The following ABHD10 variants were observed in gnomAD, a reference collection of about 807,000 sequenced individuals.
The protein encoded by ABHD10 is palmitoyl-protein thioesterase ABHD10, mitochondrial.
Under a neutral mutation model 33.1 loss-of-function variants are expected in ABHD10, and 22 were observed. That is an observed-to-expected ratio of 0.66 (90% CI 0.47 to 0.95). The LOEUF (loss-of-function observed/expected upper bound fraction) is 0.95, where lower values mean the gene tolerates loss of function less well. ABHD10 is among the 40% of genes least tolerant of loss of function. ABHD10 has a pLI of 0.00. For missense variants in ABHD10, 352 were observed against 379.9 expected, an observed-to-expected ratio of 0.93 and a Z score of 0.61; for synonymous variants, 146 against 133.9, an observed-to-expected ratio of 1.09 and a Z score of -0.62.
At chr3:111,985,550 T>C (rs774239966) in intron 2 of ABHD10, among the ~76,000 whole-genome samples, 5 of 152,150 alleles carry the variant, frequency 3.3e-5, no homozygotes, top group Non-Finnish European at 7.4e-5. Context: ...AGATGGACCA[T>C]AAATAATCAA....
intron 1 of ABHD10, among the ~76,000 whole-genome samples, chr3:111,979,626 G>A (rs2072554370): frequency 6.6e-6 from 1 of 152,224 alleles, no homozygotes; most frequent in Admixed American, 6.5e-5. Flanking sequence ...CATGTTCTTT[G>A]TAAAAGTGTA....
chr3:111,979,066 C>A lies in ABHD10; in HGVS notation c.5C>A (p.Ala2Glu), dbSNP rs573378359. Residue 2 changes from alanine (A) to glutamate (E), a missense_variant, in exon 1 of 5, where the codon GCG becomes GAG. By Grantham distance (107) the Ala-to-Glu change is moderately radical. Transcript: ENST00000273359. ...GGTGCGGGGACAACTACGAAGATGG[C>A]GGTTGCGCGCTTGGCAGCTGTGGCG... MAVARLAAVAAW... is the reference protein window; with the variant it reads MEVARLAAVAAW... 1.4e-5 allele frequency: 23 copies of A among 1,612,442 alleles called. No individual in the cohort carries two copies. The South Asian group carries it at 2.4e-4, about 17-fold the overall frequency.
chr3:111,980,726 G>T (rs1362857199), intron 1 of ABHD10, among the ~76,000 whole-genome samples: 1 of 152,168 alleles, frequency 6.6e-6, no homozygotes, highest in African/African-American at 2.4e-5. Context: ...ACCATTTACA[G>T]AAAGCCAAAC....
At chr3:111,984,801 T>G (rs1310273652) in intron 2 of ABHD10, among the ~76,000 whole-genome samples, 1 of 152,156 alleles carries the variant, frequency 6.6e-6, no homozygotes, top group Non-Finnish European at 1.5e-5. Flanking sequence ...ACTGTGATAG[T>G]CTAGGTCTAA....
At position 111,991,987 on chromosome 3, in the gene ABHD10, C is replaced by G. The variant is rs2072746075; in HGVS notation, c.*266C>G. ...TTTAATTCAAGAAAAGTTTACCTTT[C>G]TTATGCTTATGTTAGCTATGCCAGC... is the stretch of plus-strand genomic sequence containing the variant. On this transcript the variant is annotated 3_prime_UTR_variant, in exon 5 of 5. Coordinates refer to ENST00000273359, the MANE Select transcript of ABHD10 (RefSeq NM_018394.4). 3.3e-6 allele frequency: 1 copy of G among 303,930 alleles called. No homozygotes were observed. Among genetic ancestry groups the G allele is most frequent in the East Asian group, 7.4e-5 (1 of 13,468 alleles). The allele number at this position is 303,930 out of a possible 1,614,324, so 18.8% of individuals were successfully genotyped here.
In ABHD10 at chr3:111,981,794, A is replaced by G. The variant is rs1217998399; in HGVS notation, c.153A>G (p.Gln51=). The G allele has an allele frequency of 1.9e-6, 3 of 1,553,140 alleles. No homozygotes were observed. In the Admixed American group the frequency reaches 5.1e-5, roughly 27 times the overall value. The change falls in exon 2 of 5, where the codon CAA becomes CAG. Residue 51 remains glutamine, a synonymous_variant. Coordinates refer to ENST00000273359, the MANE Select transcript of ABHD10 (RefSeq NM_018394.4). The part of the protein sequence containing the change: ...RAPRWLPACR[Q]KTSLSFLNRP... ...GTGTACTTTGTTTAGCTTGTAGACA[A>G]AAGACGTCACTCTCATTCCTTAATC...
chr3:111,983,830 AT>A (rs540612153), intron 2 of ABHD10, among the ~76,000 whole-genome samples: 242 of 152,280 alleles, frequency 1.6e-3, no homozygotes, highest in African/African-American at 5.1e-3. Flanking sequence ...TTGTAATAGA[AT>A]TTTTATTTGG....
In ABHD10 at chr3:111,981,871, G is replaced by T; in HGVS notation, c.230G>T (p.Gly77Val). 1 of 1,607,936 alleles carries T rather than the reference G, an allele frequency of 6.2e-7. No homozygotes were observed. The highest frequency in any genetic ancestry group is 8.5e-7 in the Non-Finnish European group (1 of 1,175,626). ...AYKKLKGKSP[G>V]IIFIPGYLSY... Reference sequence around the variant, plus strand: ...AAGAAGCTAAAAGGCAAAAGTCCAGGAATTATCTTCATCCCTGGCTATCTT... The same window carrying T: ...AAGAAGCTAAAAGGCAAAAGTCCAGTAATTATCTTCATCCCTGGCTATCTT... The change falls in exon 2 of 5, where the codon GGA becomes GTA. Residue 77 changes from glycine (G) to valine (V), a missense_variant. Gly to Val is a moderately radical substitution (Grantham distance 109). Coordinates refer to ENST00000273359, the MANE Select transcript of ABHD10 (RefSeq NM_018394.4).
intron 4 of ABHD10, among the ~76,000 whole-genome samples, chr3:111,991,170 A>G (rs1292444803): frequency 3.9e-5 from 6 of 152,192 alleles, no homozygotes; most frequent in Admixed American, 3.9e-4. Flanking sequence ...TAACAGAATT[A>G]TTATCAGAAT....
At chr3:111,986,847 ATTTTG>A (rs1468705494) in intron 3 of ABHD10, 62 bp from the exon 4 acceptor site, 30 of 1,181,116 alleles carry the variant, frequency 2.5e-5, no homozygotes, top group South Asian at 1.3e-4. Flanking sequence ...TATTGTACAT[ATTTTG>A]TTTTATGTTT....
chr3:111,982,867 A>G (rs1249130444), intron 2 of ABHD10, among the ~76,000 whole-genome samples: 1 of 152,202 alleles, frequency 6.6e-6, no homozygotes, highest in Non-Finnish European at 1.5e-5. Flanking sequence ...ATTAGCAGCA[A>G]TTATGTCAAT....
At chr3:111,983,212 T>A (rs1363629404) in intron 2 of ABHD10, among the ~76,000 whole-genome samples, 1 of 152,110 alleles carries the variant, frequency 6.6e-6, no homozygotes, top group Non-Finnish European at 1.5e-5. Context: ...TTGAAATAGA[T>A]AAAGGAACGT....
rs554529338 is a variant in ABHD10, at chr3:111,984,635, T to G, written c.327-1629T>G. The stretch of plus-strand genomic sequence containing the variant: ...TGAAATCAATCTGAAATGACCAGAA[T>G]ATAATGGTTCAAAAAAACAGGCCAA... On this transcript the variant is annotated intron_variant, in intron 2 of 4. Coordinates refer to ENST00000273359, the MANE Select transcript of ABHD10 (RefSeq NM_018394.4). Among the ~76,000 whole-genome samples, 5 of 152,180 alleles carry G rather than the reference T, an allele frequency of 3.3e-5. No individual in the cohort carries two copies. In the South Asian group the frequency reaches 1.0e-3, roughly 32 times the overall value.
chr3:111,981,844 A>G lies in ABHD10; in HGVS notation c.203A>G (p.Tyr68Cys), dbSNP rs753223588. Residue 68 changes from tyrosine to cysteine, a missense_variant, in exon 2 of 5, where the codon TAT becomes TGT. Transcript: ENST00000273359. Reference sequence around the variant, plus strand: ...CGACCAGACCTTCCAAACCTGGCTTATAAGAAGCTAAAAGGCAAAAGTCCA... The same window carrying G: ...CGACCAGACCTTCCAAACCTGGCTTGTAAGAAGCTAAAAGGCAAAAGTCCA... ...LNRPDLPNLAYKKLKGKSPGI... is the reference protein window; with the variant it reads ...LNRPDLPNLACKKLKGKSPGI... The G allele has an allele frequency of 6.2e-7, 1 of 1,606,764 alleles. No individual in the cohort carries two copies. Among genetic ancestry groups the G allele is most frequent in the Non-Finnish European group, 8.5e-7 (1 of 1,174,702 alleles).
chr3:111,983,457 G>A (rs1221954751), intron 2 of ABHD10, among the ~76,000 whole-genome samples: 1 of 151,974 alleles, frequency 6.6e-6, no homozygotes, highest in East Asian at 1.9e-4. Flanking sequence ...CTGCATTTTT[G>A]GATCCTGTGT....
intron 4 of ABHD10, 70 bp downstream of exon 4, chr3:111,987,121 T>A: frequency 6.5e-7 from 1 of 1,528,594 alleles, no homozygotes; most frequent in Non-Finnish European, 8.9e-7. Context: ...CCTCTTTCTT[T>A]GAGGGAAGGG....
intron 1 of ABHD10, 150 bp from the exon 2 acceptor site, chr3:111,981,634 T>C: frequency 1.6e-6 from 1 of 635,880 alleles, no homozygotes. Context: ...ACTTACTTAG[T>C]ACTTTGAGTC....
At chr3:111,979,269 T>C (rs919881985) in intron 1 of ABHD10, 66 bp downstream of exon 1, 132 of 1,513,688 alleles carry the variant, frequency 8.7e-5, no homozygotes, top group Non-Finnish European at 1.8e-6. Context: ...TCAGTTACCG[T>C]GCCTGTGCAG....
At position 111,986,347 on chromosome 3, in the gene ABHD10, T is replaced by A. The variant is rs1339071944; in HGVS notation, c.410T>A (p.Ile137Lys). The A allele has an allele frequency of 2.5e-6, 4 of 1,613,860 alleles. No homozygotes were observed. Among genetic ancestry groups the A allele is most frequent in the Non-Finnish European group, 3.4e-6 (4 of 1,179,732 alleles). The change falls in exon 3 of 5, where the codon ATA (isoleucine) becomes AAA (lysine). Residue 137 changes from isoleucine (I) to lysine (K), a missense_variant. Physicochemically the swap from Ile to Lys is moderately radical, Grantham distance 102. Coordinates refer to ENST00000273359, the MANE Select transcript of ABHD10 (RefSeq NM_018394.4). ...LGKWRKDVLS[I>K]IDDLADGPQI... Reference sequence around the variant, plus strand: ...AAATGGAGAAAAGATGTTCTTTCTATAATTGATGACTTAGCTGATGGGCCA... The same window carrying A: ...AAATGGAGAAAAGATGTTCTTTCTAAAATTGATGACTTAGCTGATGGGCCA...
Sources: allele counts gnomAD v4.1 joint callset (sites outside exome capture counted in the v4.1 genomes callset), GRCh38; gene constraint gnomAD v4.1.1; transcripts MANE v1.5; gene names NCBI Gene and HGNC (gene_info 2026-07-23, HGNC 2026-07-21).